Variants in SCAF11 observed in about 807,000 individuals in gnomAD.
SCAF11 encodes protein SCAF11.
Under a neutral mutation model 140.5 loss-of-function variants are expected in SCAF11, and 47 were observed. The ratio of observed to expected loss-of-function variants is 0.33; its 90% confidence interval spans 0.26 to 0.43. The LOEUF is 0.43. Ranked by LOEUF, SCAF11 falls within the 20% of genes least tolerant of loss-of-function variation. SCAF11 has a pLI of 1.00. For synonymous variants in SCAF11, 557 were observed against 579.4 expected, an observed-to-expected ratio of 0.96 and a Z score of 0.55; for missense variants, 1,645 against 1,705.1, an observed-to-expected ratio of 0.96 and a Z score of 0.62.
chr12:45,977,561 C>G (rs1352303074), intron 1 of SCAF11, among the ~76,000 whole-genome samples: 2 of 152,072 alleles, frequency 1.3e-5, no homozygotes, highest in Admixed American at 6.6e-5. Flanking sequence ...CTCAATTTTA[C>G]TGTATATAAT....
chr12:45,973,040 A>G (rs1946149927), intron 1 of SCAF11, among the ~76,000 whole-genome samples: 1 of 147,726 alleles, frequency 6.8e-6, no homozygotes, highest in Admixed American at 6.8e-5. Context: ...ATATAGATAT[A>G]TAGATATATC....
chr12:45,922,652 AT>A lies in SCAF11; in HGVS notation c.4126-71del, dbSNP rs962161991. The A allele has an allele frequency of 1.5e-5, 21 of 1,430,488 alleles. No individual in the cohort carries two copies. In the African/African-American group the frequency reaches 2.3e-4, roughly 16 times the overall value. 88.6% of individuals were successfully genotyped at this position (1,430,488 alleles called of 1,614,324 possible). A position where few individuals can be genotyped will look rare whatever the true frequency, so the allele number is the denominator to read the frequency against. ...GCTCTCACAAAATCCCAAACAAGAA[AT>A]TGAAAATACTTCATATTTACAATAA... On this transcript the variant is annotated intron_variant, in intron 13 of 14. Coordinates refer to ENST00000369367, the MANE Select transcript of SCAF11 (RefSeq NM_004719.3).
At chr12:45,950,363 T>G (rs1013745502) in intron 4 of SCAF11, among the ~76,000 whole-genome samples, 2 of 152,216 alleles carry the variant, frequency 1.3e-5, no homozygotes. Context: ...AGATATCTCA[T>G]GTGCCAAGAA....
chr12:45,938,493 A>C (rs991150771), intron 6 of SCAF11, among the ~76,000 whole-genome samples: 7 of 136,824 alleles, frequency 5.1e-5, no homozygotes, highest in East Asian at 2.2e-4. Flanking sequence ...GCATCTCAAA[A>C]AAACAAACAA....
rs776351212 is a variant in SCAF11, at chr12:45,964,128, T to C, written c.40A>G (p.Lys14Glu). Residue 14 changes from lysine to glutamate, a missense_variant, in exon 2 of 15, where the codon AAG becomes GAG. This residue lies in a region of SCAF11 where 1,582 missense variants were observed against 1,609.2 expected (regional missense o/e 0.98). Transcript: ENST00000369367. ...KTVCTLNMGD[K>E]KYEDMEGEEN... ...TTACCTTCCATGTCTTCATACTTCTTATCTCCCATATTTAGGGTACATACA... is the reference window on the plus strand; with the variant it reads ...TTACCTTCCATGTCTTCATACTTCTCATCTCCCATATTTAGGGTACATACA... 1 of 1,533,976 alleles carries C rather than the reference T, an allele frequency of 6.5e-7. No individual in the cohort carries two copies. Among genetic ancestry groups the C allele is most frequent in the South Asian group, 1.2e-5 (1 of 86,786 alleles).
chr12:45,926,185 T>C lies in SCAF11; in HGVS notation c.3516A>G (p.Pro1172=), dbSNP rs2136502085. ...CCTCTTGTTTCATCCATCCAGACTG[T>C]GGACCTGAAGAATTTCTGCCTCGTC... ...YSRRGRNSSG[P]QSGWMKQEEE... The change falls in exon 11 of 15, where the codon CCA becomes CCG. Residue 1172 remains proline, a synonymous_variant. Coordinates refer to ENST00000369367, the MANE Select transcript of SCAF11 (RefSeq NM_004719.3). 1 of 1,614,206 alleles carries C rather than the reference T, an allele frequency of 6.2e-7. No homozygotes were observed. Among genetic ancestry groups the C allele is most frequent in the Non-Finnish European group, 8.5e-7 (1 of 1,180,020 alleles).
chr12:45,952,486 G>T (rs1456826837), intron 3 of SCAF11, among the ~76,000 whole-genome samples: 1 of 152,012 alleles, frequency 6.6e-6, no homozygotes, highest in Admixed American at 6.6e-5. Flanking sequence ...CAAGTTCTTT[G>T]CTTAGGTTCT....
At chr12:45,924,071 G>C (rs1322279700) in intron 12 of SCAF11, among the ~76,000 whole-genome samples, 2 of 152,140 alleles carry the variant, frequency 1.3e-5, no homozygotes, top group African/African-American at 4.8e-5. Context: ...GGCTGATCCT[G>C]ACCTCGTGAT....
At chr12:45,957,091 A>T (rs1201783509) in intron 3 of SCAF11, among the ~76,000 whole-genome samples, 1 of 152,194 alleles carries the variant, frequency 6.6e-6, no homozygotes, top group African/African-American at 2.4e-5. Flanking sequence ...TAATAAATTT[A>T]AAAAATGTAT....
At chr12:45,969,515 G>A (rs1592214271) in intron 1 of SCAF11, among the ~76,000 whole-genome samples, 1 of 152,028 alleles carries the variant, frequency 6.6e-6, no homozygotes, top group African/African-American at 2.4e-5. Flanking sequence ...AATCCAACAG[G>A]TCTAGATTCA....
chr12:45,976,967 A>G (rs1255505200), intron 1 of SCAF11, among the ~76,000 whole-genome samples: 1 of 152,156 alleles, frequency 6.6e-6, no homozygotes, highest in African/African-American at 2.4e-5. Flanking sequence ...TAGCCTGAAT[A>G]GCCTTAGGAC....
In SCAF11 at chr12:45,924,974, A is replaced by G; in HGVS notation, c.3660T>C (p.Asn1220=). The G allele has an allele frequency of 6.2e-7, 1 of 1,614,222 alleles. No homozygotes were observed. Among genetic ancestry groups the G allele is most frequent in the African/African-American group, 1.3e-5 (1 of 75,050 alleles). ...PQMNVMQQQM[N]AQHQPMNIFP... ...AGATATTCATAGGCTGGTGTTGTGC[A>G]TTCATTTGTTGCTGCATTACATTCA... Residue 1220 remains asparagine, a synonymous_variant, in exon 12 of 15, where the codon AAT becomes AAC. Coordinates refer to ENST00000369367, the MANE Select transcript of SCAF11 (RefSeq NM_004719.3).
chr12:45,944,291 A>G (rs1945370780), intron 6 of SCAF11, among the ~76,000 whole-genome samples: 1 of 152,164 alleles, frequency 6.6e-6, no homozygotes, highest in South Asian at 2.1e-4. Flanking sequence ...TTTTAACCAC[A>G]GAAGTCCAGA....
In SCAF11 at chr12:45,920,804, A is replaced by T. The variant is rs1206364394; in HGVS notation, c.*1244T>A. The T allele has an allele frequency of 6.6e-6, 1 of 152,538 alleles. No homozygotes were observed. Among genetic ancestry groups the T allele is most frequent in the Non-Finnish European group, 1.5e-5 (1 of 68,026 alleles). The allele number at this position is 152,538 out of a possible 1,614,324, so 9.4% of individuals were successfully genotyped here. ...GGATTTTCAAGTGTGAAAATATTTCATCAGTGATTAGATAAACAACAACTT... is the reference window on the plus strand; with the variant it reads ...GGATTTTCAAGTGTGAAAATATTTCTTCAGTGATTAGATAAACAACAACTT... On this transcript the variant is annotated 3_prime_UTR_variant, in exon 15 of 15. Coordinates refer to ENST00000369367, the MANE Select transcript of SCAF11 (RefSeq NM_004719.3).
At position 45,920,087 on chromosome 12, in the gene SCAF11, C is replaced by T. The variant is rs1426006942; in HGVS notation, c.*1961G>A. On this transcript the variant is annotated 3_prime_UTR_variant, in exon 15 of 15. Transcript: ENST00000369367. ...ATTAGAAGAAATATGCTTGAAATTT[C>T]TTTACCATAATCTAAACGCAAACTT... 6.6e-6 allele frequency: 1 copy of T among 152,170 alleles called. No individual in the cohort carries two copies. Among genetic ancestry groups the T allele is most frequent in the African/African-American group, 2.4e-5 (1 of 41,454 alleles). 9.4% of individuals were successfully genotyped at this position (152,170 alleles called of 1,614,324 possible).
chr12:45,989,255 T>A (rs1946534338), intron 1 of SCAF11, among the ~76,000 whole-genome samples: 1 of 152,202 alleles, frequency 6.6e-6, no homozygotes, highest in Non-Finnish European at 1.5e-5. Flanking sequence ...AACGAAAAAA[T>A]AATGCATTTA....
intron 6 of SCAF11, chr12:45,935,224 T>C (rs1191526021): frequency 1.3e-5 from 2 of 152,222 alleles, no homozygotes; most frequent in African/African-American, 2.4e-5. Flanking sequence ...CACTGCAAGA[T>C]CATATGTATT....
At chr12:45,990,861 C>T (rs1208571212), upstream of SCAF11, among the ~76,000 whole-genome samples, 1 of 152,230 alleles carries the variant, frequency 6.6e-6, no homozygotes, top group African/African-American at 2.4e-5. Flanking sequence ...GAGGGGCCTT[C>T]TGGGAAACGT....
chr12:45,950,812 A>G (rs1945532001), intron 4 of SCAF11, among the ~76,000 whole-genome samples: 1 of 152,174 alleles, frequency 6.6e-6, no homozygotes, highest in Non-Finnish European at 1.5e-5. Context: ...CATTGCTTCC[A>G]TCCCCTTTTC....
Sources: gnomAD v4.1 joint callset for allele counts (sites outside exome capture counted in the v4.1 genomes callset) on GRCh38, gnomAD v4.1.1 for gene constraint, gnomAD v4.1.1 regional missense constraint, MANE v1.5 for transcripts, NCBI Gene and HGNC (gene_info 2026-07-23, HGNC 2026-07-21) for gene names.